PFKFB3: variants seen among roughly 807,000 people sequenced by gnomAD.
PFKFB3 encodes the protein 6-phosphofructo-2-kinase/fructose-2,6-biphosphatase 3.
A neutral mutation model predicts 68.0 loss-of-function variants in PFKFB3; 33 were observed. That is an observed-to-expected ratio of 0.49 (90% CI 0.37 to 0.65). The LOEUF (loss-of-function observed/expected upper bound fraction) is 0.65, where lower values mean the gene tolerates loss of function less well. Among genes scored for constraint, PFKFB3 ranks in the 30% least tolerant of loss-of-function variants. The pLI is 0.00. For synonymous variants in PFKFB3, 315 were observed against 288.2 expected, an observed-to-expected ratio of 1.09 and a Z score of -0.94; for missense variants, 586 against 712.2, an observed-to-expected ratio of 0.82 and a Z score of 2.02.
the PFKFB3 span, among the ~76,000 whole-genome samples, chr10:6,304,389 A>G: frequency 2.0e-5 from 3 of 151,546 alleles, no homozygotes; most frequent in African/African-American, 4.9e-5. Context: ...GAATCCATCT[A>G]TCTTTCTGTA....
intron 8 of PFKFB3, 107 bp from the exon 9 acceptor site, chr10:6,221,274 G>A (rs1031483018): frequency 2.2e-5 from 31 of 1,381,632 alleles, no homozygotes; most frequent in Middle Eastern, 2.2e-4. Context: ...GGCCCCCACG[G>A]TGTAACCAGG....
intron 13 of PFKFB3, among the ~76,000 whole-genome samples, chr10:6,225,787 T>TC (rs5782885): frequency 0.14 from 21,402 of 152,028 alleles, 1,897 homozygotes; most frequent in South Asian, 0.21. Flanking sequence ...ACAGTTGCCT[T>TC]CCCCTCCCCA....
intron 14 of PFKFB3, among the ~76,000 whole-genome samples, chr10:6,227,630 G>A (rs1188649603): frequency 2.0e-5 from 3 of 152,188 alleles, no homozygotes; most frequent in Non-Finnish European, 4.4e-5. Context: ...GTGGGGACGC[G>A]TAGACACGGT....
chr10:6,182,974 A>G (rs1842761817), intron 1 of PFKFB3, among the ~76,000 whole-genome samples: 1 of 152,150 alleles, frequency 6.6e-6, no homozygotes, highest in Non-Finnish European at 1.5e-5. Flanking sequence ...GAGAACATGG[A>G]TGGGGCGGTG....
At chr10:6,200,042 AACCAAC>A (rs934823048), upstream of PFKFB3, among the ~76,000 whole-genome samples, 6 of 151,456 alleles carry the variant, frequency 4.0e-5, no homozygotes, top group African/African-American at 7.3e-5. Flanking sequence ...AAACCAACAA[AACCAAC>A]AAAAACCCCA....
chr10:6,251,189 G>C (rs1846373761), intron 14 of PFKFB3, among the ~76,000 whole-genome samples: 1 of 152,204 alleles, frequency 6.6e-6, no homozygotes, highest in Admixed American at 6.5e-5. Flanking sequence ...CAGAAGGCAA[G>C]GATGGGGTGG....
At chr10:6,153,752 G>C (rs1170983750) in intron 1 of PFKFB3, among the ~76,000 whole-genome samples, 1 of 152,094 alleles carries the variant, frequency 6.6e-6, no homozygotes, top group African/African-American at 2.4e-5. Context: ...CTACTCAGGA[G>C]GCTGAGGCAG....
At chr10:6,306,054 G>T in the PFKFB3 span, among the ~76,000 whole-genome samples, 1 of 151,964 alleles carries the variant, frequency 6.6e-6, no homozygotes, top group East Asian at 1.9e-4. Flanking sequence ...ACAGGGTCTT[G>T]CTATGTTGCC....
chr10:6,226,462 TGCGTGGGTGC>T, intron 14 of PFKFB3, 97 bp downstream of exon 14: 1 of 1,175,260 alleles, frequency 8.5e-7, no homozygotes, highest in Non-Finnish European at 1.2e-6. Flanking sequence ...CAAGAATACG[TGCGTGGGTGC>T]GTGTGGGTGC....
intron 1 of PFKFB3, among the ~76,000 whole-genome samples, chr10:6,196,188 C>G (rs189184802): frequency 4.6e-5 from 7 of 150,796 alleles, no homozygotes; most frequent in Admixed American, 4.6e-4. Context: ...CTGGAGTGCA[C>G]TGGTGCAATC....
At chr10:6,159,136 T>G (rs139003952) in intron 1 of PFKFB3, among the ~76,000 whole-genome samples, 1,662 of 152,276 alleles carry the variant, frequency 0.011, 33 homozygotes, top group African/African-American at 0.037. Flanking sequence ...GGCTCTCACT[T>G]GTAATCCCAG....
intron 1 of PFKFB3, among the ~76,000 whole-genome samples, chr10:6,209,025 C>G (rs950285654): frequency 9.2e-5 from 14 of 152,378 alleles, no homozygotes; most frequent in African/African-American, 3.4e-4. Context: ...CACATTGACC[C>G]TGTATCCCCC....
chr10:6,220,486 G>A lies in PFKFB3; in HGVS notation c.624-172G>A, dbSNP rs1844875133. ...GCCTCACAGCCAGACACCAGCTGTG[G>A]GAGTTGTCTTACGCATATGCTCTGC... On this transcript the variant is annotated intron_variant, in intron 7 of 14. Coordinates refer to ENST00000379775, the MANE Select transcript of PFKFB3 (RefSeq NM_004566.4). The surrounding 1 kb of genome is among the most constrained non-coding windows in gnomAD (Gnocchi z 4.1). 6.6e-6 allele frequency among the ~76,000 whole-genome samples: 1 copy of A among 152,146 alleles called. No homozygotes were observed. The highest frequency in any genetic ancestry group is 1.5e-5 in the Non-Finnish European group (1 of 68,026).
chr10:6,276,097 A>G, the PFKFB3 span, among the ~76,000 whole-genome samples: 9 of 152,334 alleles, frequency 5.9e-5, no homozygotes, highest in East Asian at 1.5e-3. Context: ...TGGTAAAAAC[A>G]GAACCAAAAC....
At position 6,217,799 on chromosome 10, in the gene PFKFB3, G is replaced by C. The variant is rs563944898; in HGVS notation, c.498+608G>C. 3.9e-5 allele frequency among the ~76,000 whole-genome samples: 6 copies of C among 152,302 alleles called. No individual in the cohort carries two copies. In the South Asian group the frequency reaches 1.2e-3, roughly 32 times the overall value. Reference sequence around the variant, plus strand: ...ATAGCAATATATATAAACAGGAATGGTTACTATGGAGACTTACTACAAGCT... The same window carrying C: ...ATAGCAATATATATAAACAGGAATGCTTACTATGGAGACTTACTACAAGCT... On this transcript the variant is annotated intron_variant, in intron 6 of 14. Coordinates refer to ENST00000379775, the MANE Select transcript of PFKFB3 (RefSeq NM_004566.4).
rs1245863604 is a variant in PFKFB3, at chr10:6,215,310, G to C, written c.292G>C (p.Val98Leu). 9 of 1,613,602 alleles carry C rather than the reference G, an allele frequency of 5.6e-6. No homozygotes were observed. The highest frequency in any genetic ancestry group is 1.6e-4 in the Middle Eastern group (1 of 6,082). The change falls in exon 3 of 15, where the codon GTC becomes CTC. Residue 98 changes from valine (V) to leucine (L), a missense_variant. Val to Leu is a conservative substitution (Grantham distance 32, BLOSUM62 1). Transcript: ENST00000379775. This position sits in a 1 kb window ranked among gnomAD's most constrained non-coding sequence, Gnocchi z 4.3. ...CCCCGACAATGAGGAAGCCATGAAA[G>C]TCCGGAAGTAAGGCTGGGCCGCGGG... is the stretch of plus-strand genomic sequence containing the variant. ...FRPDNEEAMK[V>L]RKQCALAALR... is the part of the protein sequence containing the mutation.
intron 1 of PFKFB3, among the ~76,000 whole-genome samples, chr10:6,175,712 G>A (rs1185267576): frequency 6.6e-6 from 1 of 152,220 alleles, no homozygotes; most frequent in Non-Finnish European, 1.5e-5. Flanking sequence ...ACATTTGGTG[G>A]TGGTCATAAA....
the PFKFB3 span, among the ~76,000 whole-genome samples, chr10:6,324,194 G>A: frequency 6.6e-6 from 1 of 152,114 alleles, no homozygotes; most frequent in Non-Finnish European, 1.5e-5. Flanking sequence ...GACGCTGAGT[G>A]GAATAAGCTA....
chr10:6,219,673 C>T lies in PFKFB3; in HGVS notation c.603C>T (p.Leu201=), dbSNP rs751620453. The T allele has an allele frequency of 1.1e-5, 17 of 1,613,756 alleles. No homozygotes were observed. The highest frequency in any genetic ancestry group is 1.7e-4 in the Middle Eastern group (1 of 6,032). The change falls in exon 7 of 15, where the codon CTC becomes CTT. Residue 201 remains leucine (L), a synonymous_variant. Coordinates refer to ENST00000379775, the MANE Select transcript of PFKFB3 (RefSeq NM_004566.4). ...GCTATGAAGCCAGCTACCAGCCCCT[C>T]GACCCCGACAAATGCGACAGGTGAT... ...ISCYEASYQP[L]DPDKCDRDLS... is the part of the protein sequence containing the mutation.
Sources: allele counts gnomAD v4.1 joint callset (sites outside exome capture counted in the v4.1 genomes callset), GRCh38; gene constraint gnomAD v4.1.1; non-coding constraint Gnocchi (gnomAD v3.1); transcripts MANE v1.5; gene names NCBI Gene and HGNC (gene_info 2026-07-23, HGNC 2026-07-21).